Variants in PLEKHH2 observed in about 807,000 individuals in gnomAD.
PLEKHH2 encodes pleckstrin homology, MyTH4 and FERM domain containing H2.
Under a neutral mutation model 187.9 loss-of-function variants are expected in PLEKHH2, and 129 were observed. The ratio of observed to expected loss-of-function variants is 0.69; its 90% CI spans 0.59 to 0.79. PLEKHH2 has a LOEUF of 0.79. Ranked by LOEUF, PLEKHH2 falls within the 30% of genes least tolerant of loss-of-function variation. The pLI, the probability that PLEKHH2 is intolerant of heterozygous loss-of-function variation, is 0.00. For missense variants in PLEKHH2, 2,076 were observed against 1,751.2 expected, an observed-to-expected ratio of 1.19 and a Z score of -3.31; for synonymous variants, 686 against 605.6, an observed-to-expected ratio of 1.13 and a Z score of -1.95.
chr2:43,694,354 C>T, intron 4 of PLEKHH2, 77 bp from the exon 5 acceptor site: 2 of 1,438,422 alleles, frequency 1.4e-6, no homozygotes, highest in African/African-American at 1.5e-5. Context: ...GTGGATATGC[C>T]TTGTATATTT....
intron 25 of PLEKHH2, 22 bp downstream of exon 25, chr2:43,753,782 G>T: frequency 6.8e-7 from 1 of 1,477,694 alleles, no homozygotes. Flanking sequence ...GTTATATGGA[G>T]TAATATATTG....
At chr2:43,750,492 A>AAG (rs371098258) in intron 24 of PLEKHH2, among the ~76,000 whole-genome samples, 4 of 151,766 alleles carry the variant, frequency 2.6e-5, no homozygotes, top group South Asian at 2.1e-4. Flanking sequence ...AAAAAAAAAA[A>AAG]AGAGAGAGAG....
At chr2:43,689,557 T>C (rs542847957) in intron 3 of PLEKHH2, among the ~76,000 whole-genome samples, 1 of 152,314 alleles carries the variant, frequency 6.6e-6, no homozygotes, top group Admixed American at 6.5e-5. Flanking sequence ...TCTGTGGACC[T>C]CTTAGCTTTT....
chr2:43,652,160 G>A (rs1275388408), intron 2 of PLEKHH2, among the ~76,000 whole-genome samples: 1 of 152,180 alleles, frequency 6.6e-6, no homozygotes, highest in African/African-American at 2.4e-5. Context: ...TTTTGTAAGA[G>A]AATAACTTTT....
intron 2 of PLEKHH2, among the ~76,000 whole-genome samples, chr2:43,647,852 C>T (rs909928153): frequency 6.6e-6 from 1 of 152,140 alleles, no homozygotes; most frequent in African/African-American, 2.4e-5. Context: ...ACTTCTCTTT[C>T]CTGCAACAGT....
chr2:43,726,140 A>T, intron 16 of PLEKHH2, 132 bp from the exon 17 acceptor site: 1 of 625,922 alleles, frequency 1.6e-6, no homozygotes. Flanking sequence ...AAAAAAAAAA[A>T]GGAAAATAAA....
chr2:43,671,014 C>T (rs1354213352), intron 2 of PLEKHH2, among the ~76,000 whole-genome samples: 9 of 147,766 alleles, frequency 6.1e-5, no homozygotes, highest in Admixed American at 1.4e-4. Flanking sequence ...GATGAAGTGT[C>T]GCCCTTGTCC....
intron 2 of PLEKHH2, among the ~76,000 whole-genome samples, chr2:43,669,064 C>T (rs981517809): frequency 1.3e-5 from 2 of 152,194 alleles, no homozygotes; most frequent in African/African-American, 4.8e-5. Context: ...GTTACTTAAA[C>T]TTACAAGGGC....
In PLEKHH2 at chr2:43,710,568, C is replaced by G; in HGVS notation, c.2294C>G (p.Thr765Arg). 1.9e-6 allele frequency: 3 copies of G among 1,545,828 alleles called. No individual in the cohort carries two copies. Among genetic ancestry groups the G allele is most frequent in the Non-Finnish European group, 2.6e-6 (3 of 1,141,916 alleles). ...ATTTTAAGAGGAGATAACAAACAAACAGTTCAGGTACTTAACTTTTTTTTT... is the reference window on the plus strand; with the variant it reads ...ATTTTAAGAGGAGATAACAAACAAAGAGTTCAGGTACTTAACTTTTTTTTT... ...CSILRGDNKQ[T>R]VQLTTEKHTY... The change falls in exon 14 of 30, where the codon ACA (threonine) becomes AGA (arginine). Residue 765 changes from threonine to arginine, a missense_variant. Thr to Arg is a moderately conservative substitution (Grantham distance 71). Transcript: ENST00000282406.
intron 8 of PLEKHH2, among the ~76,000 whole-genome samples, chr2:43,702,564 C>G (rs879747392): frequency 1.7e-5 from 1 of 59,770 alleles, no homozygotes; most frequent in Non-Finnish European, 3.1e-5. Flanking sequence ...TCTGTCTTCT[C>G]TTACTCTTTT....
intron 25 of PLEKHH2, among the ~76,000 whole-genome samples, chr2:43,754,682 C>G (rs1018017078): frequency 6.6e-6 from 1 of 152,112 alleles, no homozygotes; most frequent in African/African-American, 2.4e-5. Context: ...AATGTTAAAG[C>G]AACTCTGCCA....
At position 43,644,779 on chromosome 2, in the gene PLEKHH2, G is replaced by C. The variant is rs374226792; in HGVS notation, c.106G>C (p.Glu36Gln). Reference protein sequence around the residue: ...KFRVQASKIRELLAEKMQQLE... With the variant: ...KFRVQASKIRQLLAEKMQQLE... ...TAGAGTTCAAGCAAGCAAGATACGA[G>C]AGCTTTTAGCAGAGAAGGTAAGCTT... Residue 36 changes from glutamate (E) to glutamine (Q), a missense_variant, in exon 2 of 30, where the codon GAG (glutamate) becomes CAG (glutamine). Coordinates refer to ENST00000282406, the MANE Select transcript of PLEKHH2 (RefSeq NM_172069.4). 1.8e-4 allele frequency: 288 copies of C among 1,607,988 alleles called. No homozygotes were observed. Among genetic ancestry groups the C allele is most frequent in the Non-Finnish European group, 2.4e-4 (282 of 1,176,376 alleles).
chr2:43,644,848 C>T lies in PLEKHH2; in HGVS notation c.123+52C>T. 2 of 1,486,104 alleles carry T rather than the reference C, an allele frequency of 1.3e-6. 1 individual carries two copies. The highest frequency in any genetic ancestry group is 1.8e-6 in the Non-Finnish European group (2 of 1,099,184). 92.1% of individuals were successfully genotyped at this position (1,486,104 alleles called of 1,614,324 possible). A position where few individuals can be genotyped will look rare whatever the true frequency, so the allele number is the denominator to read the frequency against. ...TTAAATGTCAGCTATTTAGGGTCTG[C>T]TTCATTTATATTAAATAATCTCAGT... is the stretch of plus-strand genomic sequence containing the variant. On this transcript the variant is annotated intron_variant, in intron 2 of 29. Transcript: ENST00000282406.
At chr2:43,729,535 G>T (rs1381598279) in intron 17 of PLEKHH2, 102 bp from the exon 18 acceptor site, 3 of 654,018 alleles carry the variant, frequency 4.6e-6, no homozygotes, top group Admixed American at 3.7e-5. Flanking sequence ...AAAGCAAGTG[G>T]TTCATTTCCA....
intron 11 of PLEKHH2, among the ~76,000 whole-genome samples, chr2:43,708,262 A>C (rs1472698811): frequency 6.6e-6 from 1 of 152,158 alleles, no homozygotes; most frequent in East Asian, 1.9e-4. Flanking sequence ...GAAACACTGC[A>C]GTGGCTCCTC....
chr2:43,739,936 C>A (rs915602473), intron 20 of PLEKHH2, among the ~76,000 whole-genome samples: 2 of 152,140 alleles, frequency 1.3e-5, no homozygotes, highest in African/African-American at 4.8e-5. Flanking sequence ...ATTGGTTATG[C>A]TTTAAAAAGT....
intron 16 of PLEKHH2, 121 bp from the exon 17 acceptor site, chr2:43,726,151 A>T: frequency 1.3e-6 from 1 of 741,864 alleles, no homozygotes; most frequent in Non-Finnish European, 2.1e-6. Context: ...GGAAAATAAA[A>T]AATAAAGTAA....
Position 43,767,825 on chromosome 2 carries a change from T to C in PLEKHH2, c.*2227T>C, listed in dbSNP as rs1672674230. On this transcript the variant is annotated 3_prime_UTR_variant, in exon 30 of 30. Coordinates refer to ENST00000282406, the MANE Select transcript of PLEKHH2 (RefSeq NM_172069.4). ...AAGGAAATCAATTTTCTGTAACTGA[T>C]GATGTGAAAATTTTATTTTCTGGGA... 6.5e-6 allele frequency: 1 copy of C among 152,778 alleles called. No homozygotes were observed. Among genetic ancestry groups the C allele is most frequent in the Non-Finnish European group, 1.5e-5 (1 of 68,032 alleles). 9.5% of individuals were successfully genotyped at this position (152,778 alleles called of 1,614,324 possible). A position where few individuals can be genotyped will look rare whatever the true frequency, so the allele number is the denominator to read the frequency against.
rs112240019 is a variant in PLEKHH2, at chr2:43,669,915, A to G, written c.124-8948A>G. Among the ~76,000 whole-genome samples the G allele has an allele frequency of 2.4e-4, 36 of 152,330 alleles. 1 individual carries two copies. The Middle Eastern group carries it at 0.014, about 58-fold the overall frequency. Reference sequence around the variant, plus strand: ...ATTGAAGATAAGTAAGGAAGATACAATATACAGATAAAAGAAGCCCCTGAA... The same window carrying G: ...ATTGAAGATAAGTAAGGAAGATACAGTATACAGATAAAAGAAGCCCCTGAA... On this transcript the variant is annotated intron_variant, in intron 2 of 29. Coordinates refer to ENST00000282406, the MANE Select transcript of PLEKHH2 (RefSeq NM_172069.4).
Sources: gnomAD v4.1 joint callset for allele counts (sites outside exome capture counted in the v4.1 genomes callset) on GRCh38, gnomAD v4.1.1 for gene constraint, MANE v1.5 for transcripts, NCBI Gene and HGNC (gene_info 2026-07-23, HGNC 2026-07-21) for gene names.